CAST: variants seen among roughly 807,000 people sequenced by gnomAD.
CAST encodes the protein MIR583 host.
Under a neutral mutation model 119.6 loss-of-function variants are expected in CAST, and 76 were observed. The observed-to-expected ratio is 0.64, with a 90% CI of 0.53 to 0.77. The LOEUF is 0.77. CAST is among the 30% of genes least tolerant of loss of function. CAST has a pLI of 0.00. For synonymous variants in CAST, 319 were observed against 331.6 expected (o/e 0.96, Z 0.41); for missense variants, 953 against 946.5 (o/e 1.01, Z -0.09).
chr5:96,538,660 A>G (rs1479775066), intron 1 of CAST, among the ~76,000 whole-genome samples: 1 of 132,552 alleles, frequency 7.5e-6, no homozygotes, highest in Admixed American at 8.6e-5. Flanking sequence ...GTTTTGCAAC[A>G]TCTGTTTTTT....
chr5:96,557,050 A>C (rs1174138985), intron 1 of CAST, among the ~76,000 whole-genome samples: 1 of 152,152 alleles, frequency 6.6e-6, no homozygotes, highest in Non-Finnish European at 1.5e-5. Flanking sequence ...GTGGCAGCCA[A>C]TACTCAACAT....
chr5:96,262,670 C>T, the CAST span, among the ~76,000 whole-genome samples: 5 of 152,108 alleles, frequency 3.3e-5, no homozygotes, highest in Admixed American at 2.6e-4. Flanking sequence ...GCTGGGACTA[C>T]AGGCGCCTGC....
intron 3 of CAST, among the ~76,000 whole-genome samples, chr5:96,717,798 A>G (rs370043014): frequency 1.3e-4 from 20 of 152,304 alleles, no homozygotes; most frequent in African/African-American, 4.8e-4. Flanking sequence ...ATAATGGAGA[A>G]TCTAAAAATC....
At chr5:96,412,892 C>A in the CAST span, 1 of 227,878 alleles carries the variant, frequency 4.4e-6, no homozygotes, top group Non-Finnish European at 8.0e-6. Context: ...AATGTTTGCC[C>A]TCCCTCCCAC....
At chr5:96,144,529 C>T in the CAST span, among the ~76,000 whole-genome samples, 3 of 152,200 alleles carry the variant, frequency 2.0e-5, no homozygotes, top group African/African-American at 7.2e-5. Context: ...ACCTTTAAGA[C>T]ATTTAGTGAT....
the CAST span, among the ~76,000 whole-genome samples, chr5:96,434,570 G>A: frequency 6.6e-6 from 1 of 152,100 alleles, no homozygotes; most frequent in Non-Finnish European, 1.5e-5. Flanking sequence ...ATCGCCGGGA[G>A]GTGGAATTGA....
At chr5:96,637,672 C>T (rs151174744) in intron 1 of CAST, among the ~76,000 whole-genome samples, 25 of 152,210 alleles carry the variant, frequency 1.6e-4, no homozygotes, top group Non-Finnish European at 3.1e-4. Context: ...TAACATAAAA[C>T]TAAAATCCAT....
At chr5:96,179,183 A>T in the CAST span, among the ~76,000 whole-genome samples, 5 of 152,150 alleles carry the variant, frequency 3.3e-5, no homozygotes, top group African/African-American at 1.2e-4. Context: ...ACTGTCTAAA[A>T]CACACATATG....
chr5:96,705,122 C>T (rs1754675073), intron 3 of CAST, among the ~76,000 whole-genome samples: 1 of 152,098 alleles, frequency 6.6e-6, no homozygotes, highest in Admixed American at 6.6e-5. Context: ...GAGTTTGAGA[C>T]CAGCCTGAGC....
At chr5:96,547,705 G>A (rs912306303) in intron 1 of CAST, among the ~76,000 whole-genome samples, 1 of 152,184 alleles carries the variant, frequency 6.6e-6, no homozygotes, top group Non-Finnish European at 1.5e-5. Flanking sequence ...TTAAGTTTGC[G>A]ATAGTCCACA....
intron 25 of CAST, 100 bp downstream of exon 25, chr5:96,762,472 T>A: frequency 1.3e-6 from 1 of 745,452 alleles, no homozygotes; most frequent in Non-Finnish European, 2.1e-6. Flanking sequence ...TAGGCAGAAT[T>A]ATTAGGAAGA....
the CAST span, among the ~76,000 whole-genome samples, chr5:96,491,028 T>C: frequency 7.3e-5 from 11 of 151,340 alleles, no homozygotes; most frequent in African/African-American, 2.4e-4. Flanking sequence ...TTATAATCAA[T>C]AAGGAAAAGA....
At chr5:96,724,787 C>T (rs1758955969) in intron 4 of CAST, among the ~76,000 whole-genome samples, 2 of 151,916 alleles carry the variant, frequency 1.3e-5, no homozygotes, top group African/African-American at 2.4e-5. Context: ...TGCACCACTG[C>T]ACTCCAGCCC....
chr5:96,523,026 G>A (rs1339137273), upstream of CAST, among the ~76,000 whole-genome samples: 10 of 152,196 alleles, frequency 6.6e-5, no homozygotes, highest in African/African-American at 2.4e-4. Context: ...CCTCACCTCC[G>A]CAGTTGCCTG....
rs748578462 is a variant in CAST, at chr5:96,747,341, A to G, written c.1285-4A>G. The G allele has an allele frequency of 3.8e-6, 6 of 1,584,980 alleles. No individual in the cohort carries two copies. The African/African-American group carries it at 8.1e-5, about 21-fold the overall frequency. On this transcript the variant is annotated splice_polypyrimidine_tract_variant and splice_region_variant and intron_variant, in intron 17 of 31. Transcript: ENST00000675179. ...TTTCCAATGAATTTTAATTTCATTT[A>G]CAGGATAAAGATGGAAAACCACTAT...
chr5:96,071,200 C>T, the CAST span, among the ~76,000 whole-genome samples: 4 of 152,010 alleles, frequency 2.6e-5, no homozygotes, highest in East Asian at 1.9e-4. Context: ...CCTCAGTCCC[C>T]GCAGTGTCCC....
chr5:96,695,898 G>A lies in CAST; in HGVS notation c.201G>A (p.Ser67=), dbSNP rs373906040. The change falls in exon 3 of 32, where the codon TCG becomes TCA. Residue 67 remains serine, a synonymous_variant. Transcript: ENST00000675179. ...GAACCTATGCTGGTGGAACAGCCTC[G>A]GCCACCAAGGTCAGTGATTTCCTGA... ...SSRTYAGGTA[S]ATKVSASSGA... is the part of the protein sequence containing the mutation. 13 of 1,611,082 alleles carry A rather than the reference G, an allele frequency of 8.1e-6. No individual in the cohort carries two copies. Among genetic ancestry groups the A allele is most frequent in the Admixed American group, 6.7e-5 (4 of 59,898 alleles).
In CAST at chr5:96,571,420, A is replaced by G. The variant is rs1403233965; in HGVS notation, c.60+41540A>G. On this transcript the variant is annotated intron_variant, in intron 1 of 11. Transcript: ENST00000505143. ...TCCTTTGTTAAAAATTTTATTTAGT[A>G]TAACAATACTATTAATTTTCAAAAT... 2.0e-5 allele frequency among the ~76,000 whole-genome samples: 3 copies of G among 152,230 alleles called. No individual in the cohort carries two copies. The East Asian group carries it at 5.8e-4, about 29-fold the overall frequency.
At chr5:96,766,641 G>A (rs1045513183) in intron 27 of CAST, among the ~76,000 whole-genome samples, 4 of 152,130 alleles carry the variant, frequency 2.6e-5, no homozygotes, top group Admixed American at 6.6e-5. Context: ...CACAAATCCT[G>A]TTTCTCTGCC....
Sources: allele counts gnomAD v4.1 joint callset (sites outside exome capture counted in the v4.1 genomes callset), GRCh38; gene constraint gnomAD v4.1.1; transcripts MANE v1.5; gene names NCBI Gene and HGNC (gene_info 2026-07-23, HGNC 2026-07-21).